PACSIN2: variants seen among roughly 807,000 people sequenced by gnomAD.
PACSIN2 encodes the protein protein kinase C and casein kinase substrate in neurons 2.
Under a neutral mutation model 63.8 loss-of-function variants are expected in PACSIN2, and 25 were observed. The ratio of observed to expected loss-of-function variants is 0.39; its 90% CI spans 0.29 to 0.55. The LOEUF is 0.55. PACSIN2 is among the 20% of genes least tolerant of loss of function. The pLI is 0.62. For synonymous variants in PACSIN2, 255 were observed against 256.2 expected, an observed-to-expected ratio of 1.00 and a Z score of 0.05; for missense variants, 518 against 646.9, an observed-to-expected ratio of 0.80 and a Z score of 2.16.
At chr22:42,910,766 G>A (rs999490807) in intron 2 of PACSIN2, among the ~76,000 whole-genome samples, 5 of 152,168 alleles carry the variant, frequency 3.3e-5, no homozygotes, top group South Asian at 2.1e-4. Flanking sequence ...GCCACCAGCC[G>A]AGGGGTGGCA....
chr22:42,960,701 G>C (rs1160773428), intron 1 of PACSIN2, among the ~76,000 whole-genome samples: 7 of 152,204 alleles, frequency 4.6e-5, no homozygotes, highest in Non-Finnish European at 8.8e-5. Flanking sequence ...CCGGGACAGG[G>C]AAGAGAAAGA....
chr22:42,893,660 T>G, intron 2 of PACSIN2, 47 bp from the exon 3 acceptor site: 1 of 1,584,922 alleles, frequency 6.3e-7, no homozygotes, highest in Non-Finnish European at 8.6e-7. Flanking sequence ...GGGCAGCCTG[T>G]CCTTGGCTGT....
At chr22:42,875,072 A>G (rs2006042) in intron 10 of PACSIN2, among the ~76,000 whole-genome samples, 97,777 of 151,442 alleles carry the variant, frequency 0.65, 33,102 homozygotes, top group African/African-American at 0.84. Flanking sequence ...GGATGGTCTC[A>G]ATCTCCTGAC....
chr22:42,934,963 T>A (rs1032736098), intron 1 of PACSIN2, among the ~76,000 whole-genome samples: 5 of 152,066 alleles, frequency 3.3e-5, no homozygotes, highest in Admixed American at 1.3e-4. Context: ...TCGCCCAGGC[T>A]GGAGTGCAGT....
At chr22:42,968,379 T>C (rs1921005136) in intron 1 of PACSIN2, among the ~76,000 whole-genome samples, 1 of 152,166 alleles carries the variant, frequency 6.6e-6, no homozygotes, top group African/African-American at 2.4e-5. Flanking sequence ...GTGCCAAGCA[T>C]TCCAGGACGC....
At chr22:42,946,210 C>T (rs186721316) in intron 1 of PACSIN2, among the ~76,000 whole-genome samples, 1 of 152,348 alleles carries the variant, frequency 6.6e-6, no homozygotes, top group East Asian at 1.9e-4. Context: ...AGTGTTTAAA[C>T]TGCATGTGAG....
At chr22:42,938,668 AG>A (rs1354532371) in intron 1 of PACSIN2, among the ~76,000 whole-genome samples, 1 of 152,256 alleles carries the variant, frequency 6.6e-6, no homozygotes, top group Admixed American at 6.5e-5. Flanking sequence ...AGCCTGGCAC[AG>A]TGGCATTCCG....
At chr22:42,891,657 C>T (rs1445776124) in intron 3 of PACSIN2, among the ~76,000 whole-genome samples, 2 of 152,206 alleles carry the variant, frequency 1.3e-5, no homozygotes, top group South Asian at 2.1e-4. Context: ...CCATTCGCCT[C>T]GGCCTCCCAA....
At chr22:42,897,748 G>A (rs929281494) in intron 2 of PACSIN2, among the ~76,000 whole-genome samples, 1 of 152,216 alleles carries the variant, frequency 6.6e-6, no homozygotes, top group Non-Finnish European at 1.5e-5. Context: ...CTAGGAGGAG[G>A]GGGTGAGAGG....
chr22:42,950,945 G>A (rs980973949), intron 1 of PACSIN2, among the ~76,000 whole-genome samples: 2 of 152,094 alleles, frequency 1.3e-5, no homozygotes, highest in Non-Finnish European at 2.9e-5. Flanking sequence ...TTAAGGGCTG[G>A]GGGAAAGCAT....
rs1323266381 is a variant in PACSIN2 at position 42,975,458 on chromosome 22, A to ATATATATATG, written c.-78+39562_-78+39563insCATATATATA. Among the ~76,000 whole-genome samples the ATATATATATG allele has an allele frequency of 2.1e-4, 6 of 28,124 alleles. No individual in the cohort carries two copies. In the Admixed American group the frequency reaches 3.6e-3, roughly 17 times the overall value. 18.5% of individuals were successfully genotyped at this position (28,124 alleles called of 152,430 possible). ...CTACAAAAATAAAAAATATATACAA[A>ATATATATATG]TATATATATATATAGCATGCACACA... On this transcript the variant is annotated intron_variant, in intron 1 of 10. Coordinates refer to ENST00000263246, the MANE Select transcript of PACSIN2 (RefSeq NM_001184970.3).
chr22:42,975,545 CTCT>C (rs970238753), intron 1 of PACSIN2, among the ~76,000 whole-genome samples: 2 of 148,602 alleles, frequency 1.3e-5, no homozygotes, highest in African/African-American at 2.5e-5. Context: ...ACTTATGAGT[CTCT>C]TTTTATAAAA....
At chr22:42,946,178 A>G (rs1287732476) in intron 1 of PACSIN2, among the ~76,000 whole-genome samples, 6 of 152,262 alleles carry the variant, frequency 3.9e-5, no homozygotes, top group African/African-American at 1.2e-4. Context: ...GAATCCTTCC[A>G]ATTACTTTTA....
intron 1 of PACSIN2, among the ~76,000 whole-genome samples, chr22:43,009,863 C>CTTTTTTTTTTTTTTT (rs762256300): frequency 2.3e-4 from 30 of 131,804 alleles, no homozygotes; most frequent in Non-Finnish European, 3.8e-4. Context: ...TTTATTTTTT[C>CTTTTTTTTTTTTTTT]TATTTTTTTT....
At chr22:42,931,414 C>CA (rs1185235327) in intron 1 of PACSIN2, among the ~76,000 whole-genome samples, 1 of 152,196 alleles carries the variant, frequency 6.6e-6, no homozygotes, top group African/African-American at 2.4e-5. Context: ...AAGCCAGCGA[C>CA]ACCAAGGTGA....
chr22:42,900,370 T>A (rs1930596313), intron 2 of PACSIN2, among the ~76,000 whole-genome samples: 1 of 152,206 alleles, frequency 6.6e-6, no homozygotes, highest in Non-Finnish European at 1.5e-5. Flanking sequence ...TAATAGAGCA[T>A]CCCATACTTG....
At chr22:42,887,263 T>C (rs898883583) in intron 5 of PACSIN2, among the ~76,000 whole-genome samples, 7 of 152,142 alleles carry the variant, frequency 4.6e-5, no homozygotes, top group Non-Finnish European at 8.8e-5. Flanking sequence ...CTCGTGTAGA[T>C]GACGTGTTCC....
intron 1 of PACSIN2, among the ~76,000 whole-genome samples, chr22:42,968,494 G>A (rs1439659695): frequency 6.6e-6 from 1 of 152,142 alleles, no homozygotes; most frequent in Non-Finnish European, 1.5e-5. Context: ...ACCCTTATTC[G>A]AGATTTTCAA....
At position 42,888,932 on chromosome 22, in the gene PACSIN2, A is replaced by G. The variant is rs56674181; in HGVS notation, c.454-134T>C. ...GCAGGTACAAAATTGTATGTATACT[A>G]TCATAGCAACCAGTCACAACAGGAA... On this transcript the variant is annotated intron_variant, in intron 4 of 10. Coordinates refer to ENST00000263246, the MANE Select transcript of PACSIN2 (RefSeq NM_001184970.3). 2.8e-3 allele frequency: 2,280 copies of G among 806,292 alleles called. 35 individuals are homozygous for G. In the African/African-American group the frequency reaches 0.034, roughly 12 times the overall value. 49.9% of individuals were successfully genotyped at this position (806,292 alleles called of 1,614,324 possible).
Sources: allele counts gnomAD v4.1 joint callset (sites outside exome capture counted in the v4.1 genomes callset), GRCh38; gene constraint gnomAD v4.1.1; transcripts MANE v1.5; gene names NCBI Gene and HGNC (gene_info 2026-07-23, HGNC 2026-07-21).